C1RL: variants seen among roughly 807,000 people sequenced by gnomAD.
C1RL encodes complement C1r subcomponent like.
C1RL carries 27 observed loss-of-function variants against 27.9 expected under a neutral mutation model. The observed-to-expected ratio is 0.97, with a 90% CI of 0.71 to 1.33. C1RL has a LOEUF of 1.33. Ranked by LOEUF, C1RL falls within the 40% of genes most tolerant of loss-of-function variation. The pLI is 0.00. For synonymous variants in C1RL, 248 were observed against 252.1 expected (o/e 0.98, Z 0.15); for missense variants, 563 against 623.9 (o/e 0.90, Z 1.04).
rs1938439074 is a variant in C1RL, at chr12:7,096,632, T to C, written c.1223A>G (p.Lys408Arg). 1 of 1,614,136 alleles carries C rather than the reference T, an allele frequency of 6.2e-7. No homozygotes were observed. The highest frequency in any genetic ancestry group is 8.5e-7 in the Non-Finnish European group (1 of 1,180,020). The change falls in exon 6 of 6, where the codon AAG becomes AGG. Residue 408 changes from lysine (K) to arginine (R), a missense_variant. Lys to Arg is a conservative substitution (Grantham distance 26). Coordinates refer to ENST00000266542, the MANE Select transcript of C1RL (RefSeq NM_016546.4). ...AGAAAACACCTCGGGTCTCTGTCTCTTTTGGAGCCAGGCGTTGCAGGCCTC... is the reference window on the plus strand; with the variant it reads ...AGAAAACACCTCGGGTCTCTGTCTCCTTTGGAGCCAGGCGTTGCAGGCCTC... ...PREACNAWLQ[K>R]RQRPEVFSDN...
chr12:7,096,043 T>G lies in C1RL; in HGVS notation c.*348A>C. The G allele has an allele frequency of 2.8e-6, 3 of 1,059,230 alleles. No individual in the cohort carries two copies. Among genetic ancestry groups the G allele is most frequent in the Non-Finnish European group, 3.4e-6 (3 of 878,400 alleles). 65.6% of individuals were successfully genotyped at this position (1,059,230 alleles called of 1,614,324 possible). A position where few individuals can be genotyped will look rare whatever the true frequency, so the allele number is the denominator to read the frequency against. The stretch of plus-strand genomic sequence containing the variant: ...AGTAGCTGACTCTTCCACAGGTGAG[T>G]ATAAAAGCTGTGTCAACAGATGAAG... On this transcript the variant is annotated 3_prime_UTR_variant, in exon 6 of 6. Coordinates refer to ENST00000266542, the MANE Select transcript of C1RL (RefSeq NM_016546.4).
chr12:7,096,243 C>T lies in C1RL; in HGVS notation c.*148G>A. On this transcript the variant is annotated 3_prime_UTR_variant, in exon 6 of 6. Transcript: ENST00000266542. ...CGGGTGGGGGTTTCTCTTGCAGTGG[C>T]TTGGTGCAACAGTGATGTGAATAGG... 2 of 1,401,208 alleles carry T rather than the reference C, an allele frequency of 1.4e-6. No homozygotes were observed. Among genetic ancestry groups the T allele is most frequent in the Non-Finnish European group, 1.8e-6 (2 of 1,082,244 alleles). 86.8% of individuals were successfully genotyped at this position (1,401,208 alleles called of 1,614,324 possible).
intron 2 of C1RL, among the ~76,000 whole-genome samples, chr12:7,106,226 G>A (rs1938760015): frequency 6.6e-6 from 1 of 152,084 alleles, no homozygotes. Context: ...TCTTAACAAA[G>A]TCTAGACCTA....
intron 1 of C1RL, 120 bp downstream of exon 1, chr12:7,108,990 G>GTGTGTGTGTGTGTGTGTGTGTGTGT (rs1591602899): frequency 2.9e-4 from 25 of 87,312 alleles, no homozygotes; most frequent in Non-Finnish European, 3.4e-4. Flanking sequence ...TGTGTGTGTG[G>GTGTGTGTGTGTGTGTGTGTGTGTGT]GGGGGGGGGG....
chr12:7,096,171 A>C lies in C1RL; in HGVS notation c.*220T>G, dbSNP rs1938418133. On this transcript the variant is annotated 3_prime_UTR_variant, in exon 6 of 6. Transcript: ENST00000266542. ...CACAGGGAGGTAGAGGGTGAGGAGG[A>C]GCGGTCTGTGGGACTCTGCTTCCTG... 2 of 1,342,782 alleles carry C rather than the reference A, an allele frequency of 1.5e-6. No individual in the cohort carries two copies. The allele number at this position is 1,342,782 out of a possible 1,614,324, so 83.2% of individuals were successfully genotyped here.
intron 5 of C1RL, 149 bp downstream of exon 5, chr12:7,099,537 C>A (rs1004904564): frequency 2.1e-5 from 29 of 1,407,764 alleles, no homozygotes; most frequent in Non-Finnish European, 2.7e-5. Flanking sequence ...CTGTTCTTTT[C>A]TGGGCCTTCT....
chr12:7,102,306 T>G (rs1938650863), intron 2 of C1RL, among the ~76,000 whole-genome samples: 1 of 152,230 alleles, frequency 6.6e-6, no homozygotes, highest in South Asian at 2.1e-4. Flanking sequence ...CTACAATGTT[T>G]CTTTAGCCTA....
chr12:7,105,631 G>T (rs1938746650), intron 2 of C1RL, among the ~76,000 whole-genome samples: 1 of 152,148 alleles, frequency 6.6e-6, no homozygotes, highest in African/African-American at 2.4e-5. Context: ...AACACAAAAA[G>T]CAGAGACCAA....
intron 2 of C1RL, 108 bp downstream of exon 2, chr12:7,108,143 A>G (rs918992397): frequency 4.3e-6 from 4 of 924,478 alleles, no homozygotes; most frequent in Non-Finnish European, 4.7e-6. Flanking sequence ...CCTACATGGA[A>G]AATTCATCCC....
chr12:7,096,213 C>T lies in C1RL; in HGVS notation c.*178G>A. On this transcript the variant is annotated 3_prime_UTR_variant, in exon 6 of 6. Transcript: ENST00000266542. ...TGCTTCCTGTCTGGGATGGGGCGGG[C>T]TTGCCGGGTGGGGGTTTCTCTTGCA... 1.4e-6 allele frequency: 2 copies of T among 1,387,370 alleles called. No individual in the cohort carries two copies. Among genetic ancestry groups the T allele is most frequent in the Non-Finnish European group, 1.9e-6 (2 of 1,075,008 alleles). The allele number at this position is 1,387,370 out of a possible 1,614,324, so 85.9% of individuals were successfully genotyped here. A position where few individuals can be genotyped will look rare whatever the true frequency, so the allele number is the denominator to read the frequency against.
At chr12:7,101,796 C>T (rs761175279) in intron 3 of C1RL, 102 bp downstream of exon 3, 2 of 1,274,114 alleles carry the variant, frequency 1.6e-6, no homozygotes, top group African/African-American at 1.5e-5. Context: ...CCTGAGTCCC[C>T]AGCCTCAGCT....
intron 3 of C1RL, among the ~76,000 whole-genome samples, chr12:7,100,874 A>C (rs1385581501): frequency 1.3e-5 from 2 of 152,170 alleles, no homozygotes; most frequent in African/African-American, 2.4e-5. Context: ...TATATTATTC[A>C]GTAGAAAAAT....
rs770282677 is a variant in C1RL at position 7,102,079 on chromosome 12, G to A, written c.309C>T (p.Phe103=). 4.6e-5 allele frequency: 74 copies of A among 1,602,840 alleles called. No homozygotes were observed. Among genetic ancestry groups the A allele is most frequent in the Middle Eastern group, 1.7e-4 (1 of 6,048 alleles). ...DCAGDSVTIS[F]VGSDPSQFCG... ...AGAACTGGCTTGGATCCGAACCGAC[G>A]AATGAGATCTGAAAGCGGGAGGAGG... The change falls in exon 3 of 6, where the codon TTC becomes TTT. Residue 103 remains phenylalanine (F), a synonymous_variant. Coordinates refer to ENST00000266542, the MANE Select transcript of C1RL (RefSeq NM_016546.4).
chr12:7,104,195 T>C lies in C1RL; in HGVS notation c.301-2108A>G, dbSNP rs1379683531. ...GTTTTAAAAATTGGGGGAATCAAGA[T>C]AGGGATGAGGGAAGGGCTGGCACGG... On this transcript the variant is annotated intron_variant, in intron 2 of 5. Coordinates refer to ENST00000266542, the MANE Select transcript of C1RL (RefSeq NM_016546.4). This position sits in a 1 kb window ranked among gnomAD's most constrained non-coding sequence, Gnocchi z 5.4. Among the ~76,000 whole-genome samples, 1 of 152,028 alleles carries C rather than the reference T, an allele frequency of 6.6e-6. No individual in the cohort carries two copies. Among genetic ancestry groups the C allele is most frequent in the African/African-American group, 2.4e-5 (1 of 41,386 alleles).
Position 7,104,222 on chromosome 12 carries a change from G to T in C1RL, c.301-2135C>A, listed in dbSNP as rs1938700190. Among the ~76,000 whole-genome samples the T allele has an allele frequency of 1.3e-5, 2 of 152,180 alleles. No homozygotes were observed. Among genetic ancestry groups the T allele is most frequent in the African/African-American group, 4.8e-5 (2 of 41,442 alleles). On this transcript the variant is annotated intron_variant, in intron 2 of 5. Coordinates refer to ENST00000266542, the MANE Select transcript of C1RL (RefSeq NM_016546.4). The surrounding 1 kb of genome is among the most constrained non-coding windows in gnomAD (Gnocchi z 5.4). ...GGGATGAGGGAAGGGCTGGCACGGG[G>T]ATGGCAGACCAGAAGCCTGTGAGGG...
chr12:7,108,513 G>T, intron 1 of C1RL, 34 bp from the exon 2 acceptor site: 2 of 1,518,248 alleles, frequency 1.3e-6, no homozygotes, highest in Non-Finnish European at 1.8e-6. Context: ...GTGGGGCCGC[G>T]CAGCTATGGC....
chr12:7,097,120 G>A lies in C1RL; in HGVS notation c.735C>T (p.Thr245=), dbSNP rs1938468009. The A allele has an allele frequency of 6.2e-7, 1 of 1,613,078 alleles. No individual in the cohort carries two copies. Residue 245 remains threonine (T), a synonymous_variant, in exon 6 of 6, where the codon ACC becomes ACT. Coordinates refer to ENST00000266542, the MANE Select transcript of C1RL (RefSeq NM_016546.4). ...PVTPIAQNQT[T]LGSSRAKLGN... Reference sequence around the variant, plus strand: ...CCAGCTTGGCTCTGGAAGAACCGAGGGTCGTCTGATTCTGGGCAATGGGGG... The same window carrying A: ...CCAGCTTGGCTCTGGAAGAACCGAGAGTCGTCTGATTCTGGGCAATGGGGG...
At chr12:7,105,680 C>A (rs1938748390) in intron 2 of C1RL, among the ~76,000 whole-genome samples, 1 of 152,140 alleles carries the variant, frequency 6.6e-6, no homozygotes. Context: ...ATGAAATAGA[C>A]CCACTATAGA....
rs745434492 is a variant in C1RL at position 7,101,980 on chromosome 12, C to T, written c.408G>A (p.Arg136=). The part of the protein sequence containing the change: ...REFVSSGRSL[R]LTFRTQPSSE... ...AGGAAGGCTGTGTGCGGAAGGTCAG[C>T]CGCAAACTCCTCCCTGAGGATACAA... The change falls in exon 3 of 6, where the codon CGG becomes CGA. Residue 136 remains arginine, a synonymous_variant. Coordinates refer to ENST00000266542, the MANE Select transcript of C1RL (RefSeq NM_016546.4). 8.7e-6 allele frequency: 14 copies of T among 1,614,242 alleles called. No homozygotes were observed. The highest frequency in any genetic ancestry group is 1.6e-4 in the Middle Eastern group (1 of 6,062).
Sources: allele counts gnomAD v4.1 joint callset (sites outside exome capture counted in the v4.1 genomes callset), GRCh38; gene constraint gnomAD v4.1.1; non-coding constraint Gnocchi (gnomAD v3.1); transcripts MANE v1.5; gene names NCBI Gene and HGNC (gene_info 2026-07-23, HGNC 2026-07-21).